Variants in RGS20 observed in about 807,000 individuals in gnomAD.
RGS20 encodes the protein gz-selective GTPase-activating protein.
Under a neutral mutation model 33.6 loss-of-function variants are expected in RGS20, and 30 were observed. That is an observed-to-expected ratio of 0.89 (90% CI 0.67 to 1.21). The LOEUF is 1.21. RGS20 is among the 50% of genes most tolerant of loss of function. The pLI is 0.00. For missense variants in RGS20, 472 were observed against 502.4 expected, an observed-to-expected ratio of 0.94 and a Z score of 0.58; for synonymous variants, 208 against 197.9, an observed-to-expected ratio of 1.05 and a Z score of -0.43.
rs1430425800 is a variant in RGS20, at chr8:53,877,323, C to T, written c.166-1935C>T. Reference sequence around the variant, plus strand: ...CCGTGGCCGCCGAAGTTCCCGCCCTCGCCGAGGGCCCTCGCTCCGGAGTGG... The same window carrying T: ...CCGTGGCCGCCGAAGTTCCCGCCCTTGCCGAGGGCCCTCGCTCCGGAGTGG... On this transcript the variant is annotated intron_variant, in intron 1 of 5. Coordinates refer to ENST00000297313, the MANE Select transcript of RGS20 (RefSeq NM_170587.4). This position sits in a 1 kb window ranked among gnomAD's most constrained non-coding sequence, Gnocchi z 5.7. Among the ~76,000 whole-genome samples, 1 of 152,158 alleles carries T rather than the reference C, an allele frequency of 6.6e-6. No individual in the cohort carries two copies. The highest frequency in any genetic ancestry group is 1.5e-5 in the Non-Finnish European group (1 of 68,012).
Position 53,958,573 on chromosome 8 carries a change from C to A in RGS20, c.*115C>A. 1 of 471,552 alleles carries A rather than the reference C, an allele frequency of 2.1e-6. No individual in the cohort carries two copies. Among genetic ancestry groups the A allele is most frequent in the Non-Finnish European group, 3.4e-6 (1 of 291,750 alleles). 29.2% of individuals were successfully genotyped at this position (471,552 alleles called of 1,614,324 possible). ...CTGCTGGAGTAATACTCAGGCTATT[C>A]TAATAACAGATGATTCCTTCAACAG... On this transcript the variant is annotated 3_prime_UTR_variant, in exon 6 of 6. Transcript: ENST00000297313.
intron 2 of RGS20, among the ~76,000 whole-genome samples, chr8:53,883,883 T>C (rs1563361296): frequency 1.3e-5 from 2 of 151,792 alleles, no homozygotes; most frequent in Non-Finnish European, 2.9e-5. Flanking sequence ...GAGGCAGAGG[T>C]TGCAGTGAGC....
chr8:53,889,230 A>G (rs1024648948), intron 2 of RGS20, among the ~76,000 whole-genome samples: 5 of 152,030 alleles, frequency 3.3e-5, no homozygotes, highest in African/African-American at 1.2e-4. Flanking sequence ...AACTTTAGTC[A>G]TTCTGGTGGC....
chr8:53,879,890 G>A (rs928348048), intron 2 of RGS20: 17 of 373,198 alleles, frequency 4.6e-5, no homozygotes, highest in Non-Finnish European at 8.1e-5. Context: ...CCCCGAGGCT[G>A]CCTTTCAAAC....
In RGS20 at chr8:53,958,496, A is replaced by T; in HGVS notation, c.*38A>T. On this transcript the variant is annotated 3_prime_UTR_variant, in exon 6 of 6. Transcript: ENST00000297313. ...ATATTTATTATTAATAAAATAATAA[A>T]AGAATTCATGGGCTACAACTAGCAC... is the stretch of plus-strand genomic sequence containing the variant. 8.5e-7 allele frequency: 1 copy of T among 1,179,044 alleles called. No individual in the cohort carries two copies. Among genetic ancestry groups the T allele is most frequent in the Admixed American group, 3.5e-5 (1 of 28,628 alleles). 73.0% of individuals were successfully genotyped at this position (1,179,044 alleles called of 1,614,324 possible).
At position 53,879,440 on chromosome 8, in the gene RGS20, C is replaced by A; in HGVS notation, c.348C>A (p.Leu116=). Residue 116 remains leucine (L), a synonymous_variant, in exon 2 of 6, where the codon CTC becomes CTA. Coordinates refer to ENST00000297313, the MANE Select transcript of RGS20 (RefSeq NM_170587.4). ...TTCCCGCCCTGCCGGCCGCCCGGCT[C>A]TCGAGGGGGCACGAGGAGCTGCCGG... 6.2e-7 allele frequency: 1 copy of A among 1,604,520 alleles called. No individual in the cohort carries two copies. The highest frequency in any genetic ancestry group is 8.5e-7 in the Non-Finnish European group (1 of 1,176,284).
chr8:53,861,521 G>C (rs1413914506), intron 1 of RGS20, among the ~76,000 whole-genome samples: 1 of 152,220 alleles, frequency 6.6e-6, no homozygotes, highest in African/African-American at 2.4e-5. Flanking sequence ...CAAAGCAGTT[G>C]ATACTACCAA....
intron 4 of RGS20, among the ~76,000 whole-genome samples, chr8:53,949,732 C>A (rs1814656241): frequency 6.6e-6 from 1 of 151,190 alleles, no homozygotes; most frequent in South Asian, 2.1e-4. Flanking sequence ...ATCAATCAAT[C>A]AATAAAGGGA....
At chr8:53,859,194 T>C (rs1811752458) in intron 1 of RGS20, among the ~76,000 whole-genome samples, 1 of 152,202 alleles carries the variant, frequency 6.6e-6, no homozygotes, top group South Asian at 2.1e-4. Context: ...TAAATTTAAA[T>C]AACAAACGAA....
intron 2 of RGS20, among the ~76,000 whole-genome samples, chr8:53,891,550 G>A (rs1448605286): frequency 2.0e-5 from 3 of 152,148 alleles, no homozygotes; most frequent in Admixed American, 6.6e-5. Context: ...GAACCCGGGA[G>A]GCAGAGATTG....
intron 2 of RGS20, among the ~76,000 whole-genome samples, chr8:53,901,062 CTTTTTT>C (rs367844788): frequency 8.2e-4 from 107 of 131,254 alleles, no homozygotes; most frequent in African/African-American, 3.2e-3. Context: ...ATACTTGTCT[CTTTTTT>C]TTTTTTTTTT....
At chr8:53,934,107 C>T (rs981897762) in intron 2 of RGS20, among the ~76,000 whole-genome samples, 2 of 152,092 alleles carry the variant, frequency 1.3e-5, no homozygotes, top group African/African-American at 2.4e-5. Flanking sequence ...TCCTGAAGGA[C>T]GTACTACACA....
At chr8:53,863,032 A>G (rs555868618) in intron 1 of RGS20, among the ~76,000 whole-genome samples, 31 of 152,204 alleles carry the variant, frequency 2.0e-4, no homozygotes, top group African/African-American at 6.7e-4. Flanking sequence ...CTTGTTTCTC[A>G]GGCTGGAGTA....
intron 1 of RGS20, among the ~76,000 whole-genome samples, chr8:53,872,455 C>T (rs963558541): frequency 6.6e-6 from 1 of 152,202 alleles, no homozygotes; most frequent in Non-Finnish European, 1.5e-5. Context: ...ATTCACCACA[C>T]CATGAGAGCA....
rs1319583283 is a variant in RGS20 at position 53,895,287 on chromosome 8, C to T, written c.510+15685C>T. Among the ~76,000 whole-genome samples the T allele has an allele frequency of 2.6e-5, 4 of 152,106 alleles. No individual in the cohort carries two copies. In the East Asian group the frequency reaches 7.7e-4, roughly 29 times the overall value. ...GAGATGCAAGATTCCATGTTAGACC[C>T]TAGAGATGTCCAGGAGAGCTCCAAC... is the stretch of plus-strand genomic sequence containing the variant. On this transcript the variant is annotated intron_variant, in intron 2 of 5. Coordinates refer to ENST00000297313, the MANE Select transcript of RGS20 (RefSeq NM_170587.4).
chr8:53,897,468 A>G (rs905365676), intron 2 of RGS20, among the ~76,000 whole-genome samples: 2 of 152,250 alleles, frequency 1.3e-5, no homozygotes, highest in African/African-American at 4.8e-5. Context: ...GACAGTTCAA[A>G]TAAAAATGAA....
chr8:53,956,044 G>T (rs1814855729), intron 5 of RGS20, among the ~76,000 whole-genome samples: 1 of 152,120 alleles, frequency 6.6e-6, no homozygotes, highest in Non-Finnish European at 1.5e-5. Context: ...ACTCACTGGG[G>T]CTCGGGGGTG....
intron 2 of RGS20, among the ~76,000 whole-genome samples, chr8:53,901,839 C>T (rs1265116457): frequency 2.0e-5 from 3 of 152,014 alleles, no homozygotes; most frequent in Admixed American, 6.6e-5. Flanking sequence ...CTGTGGGCAA[C>T]AGAGTGAGAC....
chr8:53,952,514 T>G (rs1203458797), intron 4 of RGS20, among the ~76,000 whole-genome samples: 1 of 150,768 alleles, frequency 6.6e-6, no homozygotes, highest in East Asian at 2.0e-4. Context: ...TCACCTGAGG[T>G]CAGGAGTTCC....
Sources: allele counts gnomAD v4.1 joint callset (sites outside exome capture counted in the v4.1 genomes callset), GRCh38; gene constraint gnomAD v4.1.1; non-coding constraint Gnocchi (gnomAD v3.1); transcripts MANE v1.5; gene names NCBI Gene and HGNC (gene_info 2026-07-23, HGNC 2026-07-21).